The following DNMT3L variants were observed in gnomAD, a reference collection of about 807,000 sequenced individuals.
The protein encoded by DNMT3L is DNA methyltransferase 3 like.
DNMT3L carries 33 observed loss-of-function variants against 36.2 expected under a neutral mutation model. The observed-to-expected ratio is 0.91, with a 90% CI of 0.69 to 1.22. DNMT3L has a LOEUF of 1.22. DNMT3L is among the 50% of genes most tolerant of loss of function. The probability of loss-of-function intolerance (pLI) is 0.00; values close to 1 mark genes in which losing one functional copy is unlikely to be tolerated. For synonymous variants in DNMT3L, 117 were observed against 121.7 expected (o/e 0.96, Z 0.26); for missense variants, 310 against 303.1 (o/e 1.02, Z -0.17).
intron 2 of DNMT3L, 51 bp downstream of exon 2, chr21:44,261,103 C>G (rs544896008): frequency 6.3e-7 from 1 of 1,590,380 alleles, no homozygotes; most frequent in African/African-American, 1.3e-5. Flanking sequence ...CTCATCCAGG[C>G]CTGGGATCAG....
chr21:44,255,492 C>T (rs1007677143), intron 7 of DNMT3L, among the ~76,000 whole-genome samples: 29 of 118,068 alleles, frequency 2.5e-4, no homozygotes, highest in African/African-American at 1.1e-3. Context: ...GGCAACAGAG[C>T]GAGACTCCGC....
rs772411855 is a variant in DNMT3L at position 44,258,616 on chromosome 21, C to T, written c.423G>A (p.Val141=). Reference sequence around the variant, plus strand: ...GGGAGGACGGCAGGCACAGGTAGCACACCCAGTTGCTCATGGCGTGCACCT... The same window carrying T: ...GGGAGGACGGCAGGCACAGGTAGCATACCCAGTTGCTCATGGCGTGCACCT... ...SGKVHAMSNW[V]CYLCLPSSRS... The change falls in exon 6 of 12, where the codon GTG becomes GTA. Residue 141 remains valine (V), a synonymous_variant. Transcript: ENST00000628202. This position sits in a 1 kb window ranked among gnomAD's most constrained non-coding sequence, Gnocchi z 6.2. The T allele has an allele frequency of 6.2e-7, 1 of 1,612,640 alleles. No individual in the cohort carries two copies. Among genetic ancestry groups the T allele is most frequent in the South Asian group, 1.1e-5 (1 of 91,040 alleles).
chr21:44,260,538 G>A (rs184651139), intron 3 of DNMT3L, among the ~76,000 whole-genome samples: 1 of 152,176 alleles, frequency 6.6e-6, no homozygotes, highest in African/African-American at 2.4e-5. Context: ...CTGCAGCCTC[G>A]ACCTCCCCAG....
At position 44,259,468 on chromosome 21, in the gene DNMT3L, G is replaced by A. The variant is rs1310795883; in HGVS notation, c.313C>T (p.Leu105=). The change falls in exon 5 of 12, where the codon CTG becomes TTG. Residue 105 remains leucine, a synonymous_variant. Transcript: ENST00000628202. ...YCSICCSGET[L]LICGNPDCTR... is the part of the protein sequence containing the mutation. ...CAATCAGGGTTTCCGCAGATGAGCA[G>A]CGTCTCTCCGGAGCAGCAGATGGAG... The A allele has an allele frequency of 6.2e-7, 1 of 1,613,690 alleles. No homozygotes were observed. Among genetic ancestry groups the A allele is most frequent in the Non-Finnish European group, 8.5e-7 (1 of 1,180,018 alleles).
chr21:44,259,049 G>A (rs963631129), intron 5 of DNMT3L, among the ~76,000 whole-genome samples: 4 of 152,080 alleles, frequency 2.6e-5, no homozygotes, highest in Non-Finnish European at 5.9e-5. Flanking sequence ...GAGGAGTGGG[G>A]AGCTGTAAAT....
chr21:44,256,010 C>A lies in DNMT3L; in HGVS notation c.604+57G>T, dbSNP rs1210541754. On this transcript the variant is annotated intron_variant, in intron 7 of 11. Transcript: ENST00000628202. ...GAGTCCCGGGGGGTGGCCTGAGGGG[C>A]AGTCAGGTGTTTAGAGGCATCTTTC... The A allele has an allele frequency of 5.7e-6, 9 of 1,582,576 alleles. No homozygotes were observed. The Admixed American group carries it at 1.5e-4, about 26-fold the overall frequency.
At chr21:44,257,832 C>A (rs1456595732) in intron 6 of DNMT3L, among the ~76,000 whole-genome samples, 1 of 152,228 alleles carries the variant, frequency 6.6e-6, no homozygotes, top group African/African-American at 2.4e-5. Flanking sequence ...TCAGAAGGCG[C>A]CAGGCAAGGA....
At chr21:44,257,693 AAAAT>A (rs1223537861) in intron 6 of DNMT3L, among the ~76,000 whole-genome samples, 941 of 91,678 alleles carry the variant, frequency 0.01, 21 homozygotes, top group African/African-American at 0.025. Context: ...AAAAAAAAAA[AAAAT>A]AAATAAATAA....
chr21:44,256,034 T>C (rs776050595), intron 7 of DNMT3L, 33 bp downstream of exon 7: 3 of 1,611,346 alleles, frequency 1.9e-6, no homozygotes, highest in East Asian at 2.2e-5. Context: ...GAGGCATCTT[T>C]CCATGTGTGT....
intron 6 of DNMT3L, among the ~76,000 whole-genome samples, chr21:44,257,535 G>C (rs2146357221): frequency 6.6e-6 from 1 of 151,218 alleles, no homozygotes; most frequent in South Asian, 2.1e-4. Context: ...CAAAAAATTA[G>C]CCGGGCGTAG....
At position 44,258,773 on chromosome 21, in the gene DNMT3L, G is replaced by A; in HGVS notation, c.345-79C>T. The A allele has an allele frequency of 1.3e-6, 2 of 1,527,850 alleles. No homozygotes were observed. Among genetic ancestry groups the A allele is most frequent in the Non-Finnish European group, 1.8e-6 (2 of 1,134,672 alleles). The allele number at this position is 1,527,850 out of a possible 1,614,324, so 94.6% of individuals were successfully genotyped here. On this transcript the variant is annotated intron_variant, in intron 5 of 11. Transcript: ENST00000628202. This position sits in a 1 kb window ranked among gnomAD's most constrained non-coding sequence, Gnocchi z 6.2. ...GGATGGCAGAGGTGGGCCTGATTGAGCCTTGTTTTGGAGGGAAAAGTCACG... is the reference window on the plus strand; with the variant it reads ...GGATGGCAGAGGTGGGCCTGATTGAACCTTGTTTTGGAGGGAAAAGTCACG...
chr21:44,254,796 C>G, intron 7 of DNMT3L, 91 bp from the exon 8 acceptor site: 1 of 1,286,320 alleles, frequency 7.8e-7, no homozygotes, highest in Non-Finnish European at 1.1e-6. Flanking sequence ...ATCAGAGGAC[C>G]CTCCTACCAT....
intron 6 of DNMT3L, among the ~76,000 whole-genome samples, chr21:44,256,419 ATTTTTT>A (rs937821792): frequency 3.9e-5 from 4 of 103,826 alleles, no homozygotes; most frequent in African/African-American, 1.6e-4. Flanking sequence ...GGGTTTGCTG[ATTTTTT>A]TTTTTTTTTT....
chr21:44,254,585 T>C (rs2040242860), intron 8 of DNMT3L, 32 bp downstream of exon 8: 4 of 1,610,544 alleles, frequency 2.5e-6, no homozygotes, highest in Non-Finnish European at 2.5e-6. Flanking sequence ...CCGCTCCCAC[T>C]ACAGTGTCTG....
At chr21:44,259,881 A>G (rs2040301206) in intron 3 of DNMT3L, among the ~76,000 whole-genome samples, 170 bp from the exon 4 acceptor site, 2 of 152,152 alleles carry the variant, frequency 1.3e-5, no homozygotes. Context: ...TCCCATGTTC[A>G]TGGATCAGAA....
In DNMT3L at chr21:44,259,470, G is replaced by A. The variant is rs778422933; in HGVS notation, c.311C>T (p.Thr104Met). Residue 104 changes from threonine to methionine, a missense_variant, in exon 5 of 12, where the codon ACG (threonine) becomes ATG (methionine). Coordinates refer to ENST00000628202, the MANE Select transcript of DNMT3L (RefSeq NM_175867.3). Reference sequence around the variant, plus strand: ...ATCAGGGTTTCCGCAGATGAGCAGCGTCTCTCCGGAGCAGCAGATGGAGCA... The same window carrying A: ...ATCAGGGTTTCCGCAGATGAGCAGCATCTCTCCGGAGCAGCAGATGGAGCA... ...SYCSICCSGETLLICGNPDCT... is the reference protein window; with the variant it reads ...SYCSICCSGEMLLICGNPDCT... 1.2e-5 allele frequency: 19 copies of A among 1,613,550 alleles called. No homozygotes were observed. Among genetic ancestry groups the A allele is most frequent in the East Asian group, 2.2e-5 (1 of 44,900 alleles).
intron 6 of DNMT3L, among the ~76,000 whole-genome samples, chr21:44,257,966 A>G (rs1210872026): frequency 6.6e-6 from 1 of 152,138 alleles, no homozygotes. Flanking sequence ...CAAATCTCTT[A>G]CAGTGACACT....
chr21:44,253,409 G>A (rs1259263381), intron 8 of DNMT3L, among the ~76,000 whole-genome samples: 1 of 149,836 alleles, frequency 6.7e-6, no homozygotes, highest in Non-Finnish European at 1.5e-5. Context: ...CCCTCACTCT[G>A]TCATTCTTAT....
At chr21:44,257,693 A>AAAAT (rs1223537861) in intron 6 of DNMT3L, among the ~76,000 whole-genome samples, 24 of 91,892 alleles carry the variant, frequency 2.6e-4, no homozygotes, top group South Asian at 8.8e-4. Context: ...AAAAAAAAAA[A>AAAAT]AAATAAATAA....
Sources: gnomAD v4.1 joint callset for allele counts (sites outside exome capture counted in the v4.1 genomes callset) on GRCh38, gnomAD v4.1.1 for gene constraint, Gnocchi (gnomAD v3.1) non-coding constraint, MANE v1.5 for transcripts, NCBI Gene and HGNC (gene_info 2026-07-23, HGNC 2026-07-21) for gene names.